Variants in CCDC57 observed in about 807,000 individuals in gnomAD.
CCDC57 encodes the protein coiled-coil domain containing 57.
Under a neutral mutation model 118.9 loss-of-function variants are expected in CCDC57, and 118 were observed. The ratio of observed to expected loss-of-function variants is 0.99; its 90% CI spans 0.86 to 1.16. The LOEUF (loss-of-function observed/expected upper bound fraction) is 1.16. Among genes scored for constraint, CCDC57 ranks in the 50% most tolerant of loss-of-function variants. The probability of loss-of-function intolerance (pLI) is 0.00; values close to 1 mark genes in which losing one functional copy is unlikely to be tolerated. For missense variants in CCDC57, 1,300 were observed against 1,320.7 expected (o/e 0.98, Z 0.24); for synonymous variants, 527 against 532.9 (o/e 0.99, Z 0.15).
intron 13 of CCDC57, among the ~76,000 whole-genome samples, chr17:82,165,146 CTG>C (rs376277724): frequency 3.3e-5 from 5 of 152,220 alleles, no homozygotes; most frequent in Non-Finnish European, 7.3e-5. Context: ...AAGAGCGAGA[CTG>C]TGTCTCATTT....
chr17:82,195,310 G>C, exon 5 of CCDC57: 1 of 1,602,848 alleles, frequency 6.2e-7, no homozygotes, highest in Non-Finnish European at 8.5e-7. Context: ...TCAGCCTGCA[G>C]ACGGAATTCG....
intron 19 of CCDC57, among the ~76,000 whole-genome samples, chr17:82,123,814 G>A (rs1939579422): frequency 6.6e-6 from 1 of 151,924 alleles, no homozygotes; most frequent in South Asian, 2.1e-4. Flanking sequence ...GAAAGACAAG[G>A]GAAACATGAG....
intron 16 of CCDC57, among the ~76,000 whole-genome samples, chr17:82,142,545 C>T (rs1469255381): frequency 6.6e-6 from 1 of 152,100 alleles, no homozygotes; most frequent in Non-Finnish European, 1.5e-5. Flanking sequence ...AACTCCTGAC[C>T]TCGTGATCTG....
chr17:82,198,474 G>A, intron 3 of CCDC57, 52 bp from the exon 3 acceptor site: 2 of 1,262,808 alleles, frequency 1.6e-6, no homozygotes, highest in Non-Finnish European at 2.3e-6. Context: ...TTCAGCAAAG[G>A]TAATACATTT....
At chr17:82,194,103 C>G in exon 6 of CCDC57, 1 of 1,613,916 alleles carries the variant, frequency 6.2e-7, no homozygotes, top group Non-Finnish European at 8.5e-7. Flanking sequence ...GCCCCGGCTT[C>G]CTTCAGAGCC....
chr17:82,158,553 C>T (rs567202667), intron 14 of CCDC57, among the ~76,000 whole-genome samples: 7 of 151,844 alleles, frequency 4.6e-5, no homozygotes, highest in African/African-American at 7.2e-5. Context: ...CCGGGCATGG[C>T]GGTGGGTGCC....
In CCDC57 at chr17:82,200,129, G is replaced by A. The variant is rs566152233; in HGVS notation, c.407+1409C>T. ...CTCCTCTCCTTGCACCTGACCTGCCGCAGAAGGTCTCTCTGCTGGACCGGA... is the reference window on the plus strand; with the variant it reads ...CTCCTCTCCTTGCACCTGACCTGCCACAGAAGGTCTCTCTGCTGGACCGGA... On this transcript the variant is annotated intron_variant, in intron 3 of 19. Coordinates refer to ENST00000665763, the Ensembl canonical transcript of CCDC57. Among the ~76,000 whole-genome samples, 21 of 152,290 alleles carry A rather than the reference G, an allele frequency of 1.4e-4. 1 individual carries two copies. The highest frequency in any genetic ancestry group is 4.6e-4 in the African/African-American group (19 of 41,544).
intron 9 of CCDC57, among the ~76,000 whole-genome samples, chr17:82,179,847 T>C (rs1179380861): frequency 1.7e-4 from 26 of 152,100 alleles, no homozygotes; most frequent in Admixed American, 1.7e-3. Context: ...AACGTTATAG[T>C]ATGAAGGACG....
intron 13 of CCDC57, among the ~76,000 whole-genome samples, chr17:82,163,562 T>C (rs2043606821): frequency 6.6e-6 from 1 of 152,168 alleles, no homozygotes; most frequent in African/African-American, 2.4e-5. Flanking sequence ...ATAATCCTCA[T>C]GTAAAGAAAG....
chr17:82,152,001 C>G (rs373721503), intron 15 of CCDC57: 361 of 544,660 alleles, frequency 6.6e-4, no homozygotes, highest in African/African-American at 6.2e-3. Context: ...TCTCCCAGGC[C>G]AGGGTGGCCC....
intron 8 of CCDC57, among the ~76,000 whole-genome samples, chr17:82,185,327 A>C (rs983231264): frequency 6.6e-6 from 1 of 152,136 alleles, no homozygotes; most frequent in Admixed American, 6.5e-5. Context: ...TGGTTAAAAT[A>C]AAAAAGAAGG....
At chr17:82,191,794 G>A (rs1007610721) in intron 7 of CCDC57, among the ~76,000 whole-genome samples, 2 of 152,034 alleles carry the variant, frequency 1.3e-5, no homozygotes, top group African/African-American at 4.8e-5. Context: ...TACACTCCAA[G>A]TAGCTGGGAC....
intron 19 of CCDC57, among the ~76,000 whole-genome samples, chr17:82,116,610 G>A (rs537538610): frequency 2.0e-5 from 3 of 152,198 alleles, no homozygotes; most frequent in Non-Finnish European, 2.9e-5. Flanking sequence ...TGCAGAACAA[G>A]GGCTGGGCCT....
At position 82,167,453 on chromosome 17, in the gene CCDC57, C is replaced by T. The variant is rs2044139837; in HGVS notation, c.1883-4096G>A. Among the ~76,000 whole-genome samples, 7 of 151,798 alleles carry T rather than the reference C, an allele frequency of 4.6e-5. No individual in the cohort carries two copies. In the South Asian group the frequency reaches 1.2e-3, roughly 27 times the overall value. On this transcript the variant is annotated intron_variant, in intron 13 of 19. Coordinates refer to ENST00000665763, the Ensembl canonical transcript of CCDC57. ...GCAACCTCCACCTCCCGGGTTCAAG[C>T]GATTCTCCTGCCTCAGCCTCCCAAA...
At chr17:82,205,809 G>A (rs1033345975) in intron 2 of CCDC57, among the ~76,000 whole-genome samples, 5 of 152,150 alleles carry the variant, frequency 3.3e-5, no homozygotes, top group African/African-American at 9.7e-5. Flanking sequence ...AGCATCTCCA[G>A]CGCTTTATCC....
At position 82,172,998 on chromosome 17, in the gene CCDC57, C is replaced by T. The variant is rs989141542; in HGVS notation, c.1507-138G>A. The T allele has an allele frequency of 8.3e-6, 6 of 722,740 alleles. No homozygotes were observed. The highest frequency in any genetic ancestry group is 1.4e-5 in the Non-Finnish European group (6 of 416,986). The allele number at this position is 722,740 out of a possible 1,614,324, so 44.8% of individuals were successfully genotyped here. On this transcript the variant is annotated intron_variant, in intron 11 of 19. Transcript: ENST00000665763. This position sits in a 1 kb window ranked among gnomAD's most constrained non-coding sequence, Gnocchi z 5.2. ...GCTTGGGCTGTGGTCCCTCCCCATC[C>T]CCAGGCTGTGATGCCCCTCCTTTCT...
At position 82,194,112 on chromosome 17, in the gene CCDC57, C is replaced by T. The variant is rs35768211; in HGVS notation, c.646G>A (p.Ala216Thr). The change falls in exon 6 of 20, where the codon GCT (alanine) becomes ACT (threonine). Residue 216 changes from alanine (A) to threonine (T), a missense_variant. Ala to Thr is a moderately conservative substitution (Grantham distance 58, BLOSUM62 0). Transcript: ENST00000665763. ...GCCTTTGCCCCGGCTTCCTTCAGAG[C>T]CTCCAGCTCTTTGTGCAGTAGTTTA... is the stretch of plus-strand genomic sequence containing the variant. The T allele has an allele frequency of 2.8e-3, 4,508 of 1,613,820 alleles. 125 individuals carry two copies. In the African/African-American group the frequency reaches 0.054, roughly 19 times the overall value.
chr17:82,184,062 C>CAA (rs1568402130), intron 8 of CCDC57, 130 bp from the exon 8 acceptor site: 36 of 586,710 alleles, frequency 6.1e-5, no homozygotes, highest in Non-Finnish European at 4.2e-5. Flanking sequence ...CACACACACA[C>CAA]ACACACACAC....
At chr17:82,103,345 G>T (rs1031037671) in intron 19 of CCDC57, among the ~76,000 whole-genome samples, 1 of 152,092 alleles carries the variant, frequency 6.6e-6, no homozygotes, top group African/African-American at 2.4e-5. Context: ...GGCCCTGGAC[G>T]CTGCCTGCTC....
Sources: gnomAD v4.1 joint callset for allele counts (sites outside exome capture counted in the v4.1 genomes callset) on GRCh38, gnomAD v4.1.1 for gene constraint, Gnocchi (gnomAD v3.1) non-coding constraint, MANE v1.5 for transcripts, NCBI Gene and HGNC (gene_info 2026-07-23, HGNC 2026-07-21) for gene names.